The following PLCB1 variants were observed in gnomAD, a reference collection of about 807,000 sequenced individuals.
PLCB1 encodes phospholipase C beta 1, also known as 1-phosphatidylinositol 4,5-bisphosphate phosphodiesterase beta-1.
Under a neutral mutation model 161.8 loss-of-function variants are expected in PLCB1, and 46 were observed. The ratio of observed to expected loss-of-function variants is 0.28; its 90% CI spans 0.22 to 0.36. The LOEUF is 0.36. Among genes scored for constraint, PLCB1 ranks in the 10% least tolerant of loss-of-function variants. PLCB1 has a pLI of 1.00. For missense variants in PLCB1, 1,016 were observed against 1,472.5 expected (o/e 0.69, Z 5.07); for synonymous variants, 517 against 503.7 (o/e 1.03, Z -0.35).
intron 2 of PLCB1, among the ~76,000 whole-genome samples, chr20:8,293,744 A>T (rs1013413990): frequency 6.6e-6 from 1 of 152,152 alleles, no homozygotes; most frequent in African/African-American, 2.4e-5. Context: ...AACCCCAGAG[A>T]TCTGTGTACT....
intron 31 of PLCB1, among the ~76,000 whole-genome samples, chr20:8,863,527 G>A (rs1987325367): frequency 6.6e-6 from 1 of 152,186 alleles, no homozygotes; most frequent in Non-Finnish European, 1.5e-5. Context: ...TTCCGACTTA[G>A]TAAGTTTAGG....
At chr20:8,722,204 A>C (rs980544120) in intron 14 of PLCB1, 150 bp from the exon 15 acceptor site, 8 of 545,994 alleles carry the variant, frequency 1.5e-5, no homozygotes, top group African/African-American at 1.4e-4. Context: ...TTCTATAACG[A>C]ATAAAATTTA....
At chr20:8,317,994 CT>C (rs201783826) in intron 2 of PLCB1, among the ~76,000 whole-genome samples, 102 of 140,392 alleles carry the variant, frequency 7.3e-4, no homozygotes, top group Non-Finnish European at 6.6e-4. Flanking sequence ...TATTTCTTTT[CT>C]TTTTTTTTTT....
intron 9 of PLCB1, among the ~76,000 whole-genome samples, chr20:8,679,338 C>A (rs1990161340): frequency 6.6e-6 from 1 of 152,200 alleles, no homozygotes; most frequent in Non-Finnish European, 1.5e-5. Flanking sequence ...CTCTTCTAGA[C>A]CATTCTTCCT....
At chr20:8,637,169 G>A (rs1016193901) in intron 4 of PLCB1, among the ~76,000 whole-genome samples, 7 of 152,160 alleles carry the variant, frequency 4.6e-5, no homozygotes, top group Admixed American at 3.9e-4. Flanking sequence ...TTTGAGAAAG[G>A]CAGGTTGATC....
intron 3 of PLCB1, among the ~76,000 whole-genome samples, chr20:8,443,834 C>T (rs1021047547): frequency 7.2e-5 from 11 of 152,168 alleles, no homozygotes; most frequent in African/African-American, 2.4e-4. Flanking sequence ...AATTCTATTT[C>T]TATCACAACC....
At chr20:8,880,424 G>A (rs2146335604) in intron 31 of PLCB1, among the ~76,000 whole-genome samples, 1 of 152,152 alleles carries the variant, frequency 6.6e-6, no homozygotes, top group Non-Finnish European at 1.5e-5. Context: ...TAAAACATCT[G>A]AAAATTCTCC....
chr20:8,473,848 T>C (rs1038849824), intron 3 of PLCB1, among the ~76,000 whole-genome samples: 4 of 152,202 alleles, frequency 2.6e-5, no homozygotes, highest in Non-Finnish European at 4.4e-5. Flanking sequence ...AAAAACCTGA[T>C]GCAGAACCTT....
intron 2 of PLCB1, among the ~76,000 whole-genome samples, chr20:8,157,704 T>C (rs1257275454): frequency 6.6e-6 from 1 of 152,214 alleles, no homozygotes; most frequent in East Asian, 1.9e-4. Context: ...TCTTAGAGGA[T>C]GTGATGTATG....
At chr20:8,613,819 C>T (rs992017907) in intron 3 of PLCB1, among the ~76,000 whole-genome samples, 18 of 151,710 alleles carry the variant, frequency 1.2e-4, no homozygotes, top group African/African-American at 4.4e-4. Flanking sequence ...CTTTTTTATA[C>T]ATGGCAATAA....
At chr20:8,854,534 T>C (rs1987002134) in intron 31 of PLCB1, among the ~76,000 whole-genome samples, 1 of 152,194 alleles carries the variant, frequency 6.6e-6, no homozygotes, top group Non-Finnish European at 1.5e-5. Flanking sequence ...GATTACAGAA[T>C]GGAGATGTGT....
intron 26 of PLCB1, among the ~76,000 whole-genome samples, chr20:8,765,645 G>A (rs1982276959): frequency 1.3e-5 from 2 of 152,106 alleles, no homozygotes; most frequent in South Asian, 4.1e-4. Context: ...AATCTCATGG[G>A]TATGAGACTT....
chr20:8,359,762 G>T (rs531431214), intron 2 of PLCB1, among the ~76,000 whole-genome samples: 59 of 151,968 alleles, frequency 3.9e-4, no homozygotes, highest in African/African-American at 1.4e-3. Context: ...ATATTTAGTG[G>T]GTATAATGAT....
chr20:8,368,578 A>G (rs949844647), intron 2 of PLCB1, among the ~76,000 whole-genome samples: 2 of 151,666 alleles, frequency 1.3e-5, no homozygotes, highest in Non-Finnish European at 2.9e-5. Context: ...AGAAAATATT[A>G]CTATTGATTA....
At chr20:8,290,063 A>C (rs1983315189) in intron 2 of PLCB1, among the ~76,000 whole-genome samples, 2 of 152,194 alleles carry the variant, frequency 1.3e-5, no homozygotes, top group Non-Finnish European at 2.9e-5. Context: ...TTTACTGTGT[A>C]CCCTAAAATG....
intron 9 of PLCB1, among the ~76,000 whole-genome samples, chr20:8,674,338 C>T (rs984255251): frequency 3.9e-5 from 6 of 152,136 alleles, no homozygotes; most frequent in Non-Finnish European, 7.3e-5. Context: ...ACTCTCAGTG[C>T]ACTCAAAACA....
At chr20:8,741,403 T>C in intron 22 of PLCB1, 61 bp from the exon 23 acceptor site, 6 of 1,142,850 alleles carry the variant, frequency 5.3e-6, no homozygotes, top group South Asian at 3.9e-5. Context: ...AGTAAGTAGA[T>C]GAATGATGGA....
chr20:8,601,049 A>G (rs1201512907), intron 3 of PLCB1, among the ~76,000 whole-genome samples: 1 of 152,130 alleles, frequency 6.6e-6, no homozygotes, highest in Non-Finnish European at 1.5e-5. Context: ...AAATGCAGAA[A>G]TCACCCGTCT....
intron 2 of PLCB1, among the ~76,000 whole-genome samples, chr20:8,251,422 A>G (rs1981137979): frequency 6.6e-6 from 1 of 151,852 alleles, no homozygotes; most frequent in Non-Finnish European, 1.5e-5. Context: ...CACAGAGAGG[A>G]GTTTGCCAGG....
Sources: gnomAD v4.1 joint callset for allele counts (sites outside exome capture counted in the v4.1 genomes callset) on GRCh38, gnomAD v4.1.1 for gene constraint, MANE v1.5 for transcripts, NCBI Gene and HGNC (gene_info 2026-07-23, HGNC 2026-07-21) for gene names.